Variants in MEGF11 observed in about 807,000 individuals in gnomAD.
MEGF11 encodes multiple epidermal growth factor-like domains protein 11.
In MEGF11, 126 loss-of-function variants were observed where a neutral mutation model predicts 146.6. The ratio of observed to expected loss-of-function variants is 0.86; its 90% CI spans 0.74 to 1.00. The LOEUF is 1.00. Ranked by LOEUF, MEGF11 falls within the 50% of genes least tolerant of loss-of-function variation. The pLI is 0.00. For missense variants in MEGF11, 1,509 were observed against 1,521.2 expected (o/e 0.99, Z 0.13); for synonymous variants, 532 against 583.4 (o/e 0.91, Z 1.27).
chr15:66,046,601 A>C (rs1327848231), intron 5 of MEGF11, among the ~76,000 whole-genome samples: 2 of 152,192 alleles, frequency 1.3e-5, no homozygotes, highest in Admixed American at 1.3e-4. Flanking sequence ...ACGCAGGCTT[A>C]GGCTGAGTGC....
chr15:66,065,142 C>G (rs920928030), intron 5 of MEGF11, among the ~76,000 whole-genome samples: 10 of 152,142 alleles, frequency 6.6e-5, no homozygotes, highest in African/African-American at 1.9e-4. Flanking sequence ...GAGGGGGATG[C>G]ACCCATTGTC....
intron 5 of MEGF11, among the ~76,000 whole-genome samples, chr15:66,014,425 A>G (rs1312902748): frequency 6.6e-6 from 1 of 152,224 alleles, no homozygotes; most frequent in Non-Finnish European, 1.5e-5. Context: ...TCCTAGGGCT[A>G]AACAAGATTT....
chr15:66,081,829 T>A (rs2140546926), intron 5 of MEGF11, among the ~76,000 whole-genome samples: 1 of 152,262 alleles, frequency 6.6e-6, no homozygotes, highest in Non-Finnish European at 1.5e-5. Flanking sequence ...CCTAAATTCA[T>A]ATTGAAACCC....
chr15:66,139,735 G>C (rs1224352134), intron 1 of MEGF11, among the ~76,000 whole-genome samples: 1 of 152,156 alleles, frequency 6.6e-6, no homozygotes, highest in East Asian at 1.9e-4. Context: ...TTGTCTGGGG[G>C]CATGTACGCA....
intron 5 of MEGF11, among the ~76,000 whole-genome samples, chr15:65,988,656 T>C (rs1420660048): frequency 6.6e-6 from 1 of 152,216 alleles, no homozygotes; most frequent in African/African-American, 2.4e-5. Flanking sequence ...CGTTATGGAC[T>C]GTACTAGGAA....
At chr15:66,001,192 C>T (rs1157245800) in intron 5 of MEGF11, among the ~76,000 whole-genome samples, 1 of 152,124 alleles carries the variant, frequency 6.6e-6, no homozygotes, top group East Asian at 1.9e-4. Flanking sequence ...CTGCTGCTCT[C>T]AGATGCTGCT....
At chr15:66,191,460 T>C (rs566383012) in intron 1 of MEGF11, among the ~76,000 whole-genome samples, 107 of 152,294 alleles carry the variant, frequency 7.0e-4, no homozygotes, top group African/African-American at 2.5e-3. Flanking sequence ...ATCTTTGATA[T>C]ATTGTCTGGG....
At chr15:65,943,081 G>A (rs894301313) in intron 10 of MEGF11, among the ~76,000 whole-genome samples, 7 of 146,286 alleles carry the variant, frequency 4.8e-5, no homozygotes, top group Non-Finnish European at 9.0e-5. Context: ...CCGCCCCCCG[G>A]GTTCAAGCGA....
At position 66,094,257 on chromosome 15, in the gene MEGF11, C is replaced by T. The variant is rs1354255870; in HGVS notation, c.394+145G>A. The T allele has an allele frequency of 5.0e-6, 3 of 604,960 alleles. No homozygotes were observed. In the African/African-American group the frequency reaches 5.6e-5, roughly 11 times the overall value. The allele number at this position is 604,960 out of a possible 1,614,324, so 37.5% of individuals were successfully genotyped here. A position where few individuals can be genotyped will look rare whatever the true frequency, so the allele number is the denominator to read the frequency against. On this transcript the variant is annotated intron_variant, in intron 5 of 25. Coordinates refer to ENST00000395614, the MANE Select transcript of MEGF11 (RefSeq NM_001385028.1). ...CACCATGTTTTAACTGTAGGTATAC[C>T]TCCTCCCTGATGTTCACACAGGCCC... is the stretch of plus-strand genomic sequence containing the variant.
chr15:65,919,021 G>A (rs772133731), intron 15 of MEGF11, among the ~76,000 whole-genome samples: 2 of 152,164 alleles, frequency 1.3e-5, no homozygotes, highest in African/African-American at 2.4e-5. Context: ...ATGATGGGAA[G>A]GTGTTGATTC....
chr15:65,918,183 C>T (rs1406616329), intron 15 of MEGF11, 89 bp from the exon 16 acceptor site: 1 of 1,570,136 alleles, frequency 6.4e-7, no homozygotes, highest in Non-Finnish European at 8.7e-7. Context: ...GTTCCCAAGC[C>T]ACAGCCATGA....
intron 1 of MEGF11, among the ~76,000 whole-genome samples, chr15:66,199,751 T>C (rs1405818939): frequency 6.6e-6 from 1 of 152,090 alleles, no homozygotes; most frequent in African/African-American, 2.4e-5. Flanking sequence ...ATTGCACCAC[T>C]GCACTTCAGC....
chr15:66,083,042 T>C (rs909016156), intron 5 of MEGF11, among the ~76,000 whole-genome samples: 5 of 152,148 alleles, frequency 3.3e-5, no homozygotes, highest in African/African-American at 1.2e-4. Context: ...GGTGTTGCCA[T>C]TTTCATGAGA....
chr15:66,071,177 G>A (rs912776159), intron 5 of MEGF11, among the ~76,000 whole-genome samples: 58 of 149,334 alleles, frequency 3.9e-4, no homozygotes, highest in African/African-American at 1.3e-3. Context: ...CTCCTGCCCC[G>A]TACACAGGTA....
chr15:65,921,657 T>A (rs2079174556), intron 15 of MEGF11: 2 of 152,348 alleles, frequency 1.3e-5, no homozygotes, highest in South Asian at 4.1e-4. Flanking sequence ...ATTTTGTGAA[T>A]GATGTTAAAC....
At chr15:66,076,672 C>T (rs1201623810) in intron 5 of MEGF11, among the ~76,000 whole-genome samples, 2 of 152,172 alleles carry the variant, frequency 1.3e-5, no homozygotes, top group Non-Finnish European at 2.9e-5. Flanking sequence ...GACAGTAAGG[C>T]TGTACCAGGA....
chr15:66,147,904 C>T (rs2089432630), intron 1 of MEGF11, among the ~76,000 whole-genome samples: 1 of 152,158 alleles, frequency 6.6e-6, no homozygotes, highest in Admixed American at 6.5e-5. Flanking sequence ...AGTGAATGCT[C>T]ATTAATAGGG....
intron 5 of MEGF11, among the ~76,000 whole-genome samples, chr15:66,046,862 A>G (rs2084225666): frequency 6.6e-6 from 1 of 152,136 alleles, no homozygotes; most frequent in Admixed American, 6.5e-5. Flanking sequence ...CCTGTGTACA[A>G]TCTGCCAGTT....
At chr15:66,145,942 G>A (rs926137166) in intron 1 of MEGF11, among the ~76,000 whole-genome samples, 1 of 152,176 alleles carries the variant, frequency 6.6e-6, no homozygotes, top group African/African-American at 2.4e-5. Context: ...CTCACCAAAG[G>A]TAGCTGCTAT....
Sources: allele counts gnomAD v4.1 joint callset (sites outside exome capture counted in the v4.1 genomes callset), GRCh38; gene constraint gnomAD v4.1.1; transcripts MANE v1.5; gene names NCBI Gene and HGNC (gene_info 2026-07-23, HGNC 2026-07-21).